LINGO2: variants seen among roughly 807,000 people sequenced by gnomAD.
LINGO2 encodes the protein leucine rich repeat and Ig domain containing 2, also known as leucine-rich repeat and immunoglobulin-like domain-containing nogo receptor-interacting protein 2.
In LINGO2, 14 loss-of-function variants were observed where a neutral mutation model predicts 30.6. The observed-to-expected ratio is 0.46, with a 90% CI of 0.30 to 0.72. The LOEUF (loss-of-function observed/expected upper bound fraction) is 0.72, where lower values mean the gene tolerates loss of function less well. LINGO2 is among the 30% of genes least tolerant of loss of function. The pLI, the probability that LINGO2 is intolerant of heterozygous loss-of-function variation, is 0.07. For synonymous variants in LINGO2, 317 were observed against 288.5 expected (o/e 1.10, Z -1.00); for missense variants, 729 against 751.7 (o/e 0.97, Z 0.35).
the LINGO2 span, among the ~76,000 whole-genome samples, chr9:28,875,751 G>T: frequency 1.9e-3 from 288 of 152,048 alleles, 1 homozygote; most frequent in Non-Finnish European, 3.3e-3. Flanking sequence ...AAATATTTTG[G>T]CAAAATAATT....
At chr9:28,394,484 C>A (rs748388556) in intron 2 of LINGO2, among the ~76,000 whole-genome samples, 23 of 152,140 alleles carry the variant, frequency 1.5e-4, no homozygotes, top group Non-Finnish European at 3.1e-4. Flanking sequence ...CTCCTGCCTC[C>A]CTCATTTTCT....
the LINGO2 span, among the ~76,000 whole-genome samples, chr9:28,803,754 A>G: frequency 2.6e-5 from 4 of 152,046 alleles, no homozygotes; most frequent in Admixed American, 6.6e-5. Flanking sequence ...TACTCTGTGA[A>G]CAGACCATAA....
At chr9:28,513,653 A>T (rs1030748297) in intron 1 of LINGO2, among the ~76,000 whole-genome samples, 1 of 152,200 alleles carries the variant, frequency 6.6e-6, no homozygotes, top group Non-Finnish European at 1.5e-5. Context: ...TTTTGCCAAC[A>T]TTGTTTTGTA....
the LINGO2 span, among the ~76,000 whole-genome samples, chr9:29,059,708 A>G: frequency 6.6e-6 from 1 of 152,062 alleles, no homozygotes; most frequent in Admixed American, 6.6e-5. Context: ...CATCGTATGG[A>G]AAATCAGCCT....
intron 1 of LINGO2, among the ~76,000 whole-genome samples, chr9:28,647,786 A>G (rs1042046901): frequency 2.0e-5 from 3 of 152,018 alleles, no homozygotes; most frequent in African/African-American, 7.2e-5. Context: ...GTTTGGGATT[A>G]TACCATACAT....
At chr9:28,014,528 TGATACACTA>T (rs1822722869) in intron 4 of LINGO2, among the ~76,000 whole-genome samples, 1 of 152,168 alleles carries the variant, frequency 6.6e-6, no homozygotes, top group African/African-American at 2.4e-5. Context: ...AACTTCCAAC[TGATACACTA>T]GATAAATTTT....
At chr9:28,034,818 C>A (rs988000927) in intron 4 of LINGO2, among the ~76,000 whole-genome samples, 4 of 152,150 alleles carry the variant, frequency 2.6e-5, no homozygotes, top group African/African-American at 4.8e-5. Context: ...TCTTCAGAGA[C>A]CTTTTGTCTC....
intron 4 of LINGO2, among the ~76,000 whole-genome samples, chr9:28,029,979 G>C (rs748622685): frequency 2.0e-5 from 3 of 152,160 alleles, no homozygotes. Context: ...GTAAGAAAAT[G>C]AATCTAGAAT....
the LINGO2 span, among the ~76,000 whole-genome samples, chr9:28,910,653 G>T: frequency 6.6e-6 from 1 of 152,022 alleles, no homozygotes; most frequent in Non-Finnish European, 1.5e-5. Flanking sequence ...GCCATGTGAA[G>T]ATGTGCTTGC....
At chr9:28,417,478 T>C (rs1587643161) in intron 2 of LINGO2, among the ~76,000 whole-genome samples, 1 of 152,354 alleles carries the variant, frequency 6.6e-6, no homozygotes, top group East Asian at 1.9e-4. Context: ...TCTGATAATA[T>C]AGAAATAATA....
At chr9:28,949,542 C>T in the LINGO2 span, among the ~76,000 whole-genome samples, 1 of 152,102 alleles carries the variant, frequency 6.6e-6, no homozygotes, top group East Asian at 1.9e-4. Flanking sequence ...CACATACACC[C>T]TCCCAAGACT....
At chr9:28,026,768 C>T (rs1001017982) in intron 4 of LINGO2, among the ~76,000 whole-genome samples, 5 of 152,162 alleles carry the variant, frequency 3.3e-5, no homozygotes, top group Non-Finnish European at 5.9e-5. Context: ...CTACTGTAAC[C>T]ACATCCTTAT....
At chr9:28,660,472 G>A (rs923040519) in intron 1 of LINGO2, among the ~76,000 whole-genome samples, 4 of 152,088 alleles carry the variant, frequency 2.6e-5, no homozygotes, top group African/African-American at 7.2e-5. Flanking sequence ...CTGTGGCTGA[G>A]TGGCAGAGAA....
chr9:29,138,233 G>C, the LINGO2 span, among the ~76,000 whole-genome samples: 2 of 152,040 alleles, frequency 1.3e-5, no homozygotes, highest in African/African-American at 2.4e-5. Context: ...AATTAACACA[G>C]TCAATATGAT....
chr9:28,800,270 C>G, the LINGO2 span, among the ~76,000 whole-genome samples: 16 of 152,190 alleles, frequency 1.1e-4, no homozygotes, highest in Middle Eastern at 3.4e-3. Flanking sequence ...CTGAGTTGAA[C>G]TCGATTTTCT....
At chr9:28,483,697 A>T (rs982823252) in intron 1 of LINGO2, among the ~76,000 whole-genome samples, 3 of 152,028 alleles carry the variant, frequency 2.0e-5, no homozygotes, top group African/African-American at 7.2e-5. Context: ...TCACTGTGGC[A>T]TTATTTCAAA....
the LINGO2 span, among the ~76,000 whole-genome samples, chr9:28,806,003 T>A: frequency 6.6e-6 from 1 of 152,146 alleles, no homozygotes; most frequent in Non-Finnish European, 1.5e-5. Flanking sequence ...TTGCCTACAA[T>A]GAAATACACA....
chr9:28,945,957 C>T, the LINGO2 span, among the ~76,000 whole-genome samples: 1 of 152,108 alleles, frequency 6.6e-6, no homozygotes, highest in Non-Finnish European at 1.5e-5. Flanking sequence ...TCATGAGTCA[C>T]ACCAATCTCC....
intron 1 of LINGO2, among the ~76,000 whole-genome samples, chr9:28,632,485 G>T (rs1826992215): frequency 6.7e-6 from 1 of 150,254 alleles, no homozygotes; most frequent in Non-Finnish European, 1.5e-5. Context: ...ATTAGTCAGG[G>T]TTCTCTTAGA....
Sources: allele counts gnomAD v4.1 joint callset (sites outside exome capture counted in the v4.1 genomes callset), GRCh38; gene constraint gnomAD v4.1.1; transcripts MANE v1.5; gene names NCBI Gene and HGNC (gene_info 2026-07-23, HGNC 2026-07-21).